The following UBE2N variants were observed in gnomAD, a reference collection of about 807,000 sequenced individuals.
The protein encoded by UBE2N is ubiquitin-conjugating enzyme E2 N.
For missense variants in UBE2N, 60 were observed against 192.1 expected (o/e 0.31, Z 4.07); for synonymous variants, 70 against 69.2 (o/e 1.01, Z -0.06).
At chr12:93,432,779 A>G (rs1878809652) in intron 1 of UBE2N, among the ~76,000 whole-genome samples, 1 of 152,164 alleles carries the variant, frequency 6.6e-6, no homozygotes, top group Admixed American at 6.5e-5. Context: ...TTAATGCAAA[A>G]TATGTCAACC....
intron 1 of UBE2N, chr12:93,429,375 G>A (rs894333089): frequency 1.7e-5 from 7 of 401,640 alleles, no homozygotes; most frequent in East Asian, 7.5e-5. Flanking sequence ...AAAAATTCTC[G>A]TTTAAAATTA....
In UBE2N at chr12:93,410,204, G is replaced by A. The variant is rs181643731; in HGVS notation, c.419-125C>T. The A allele has an allele frequency of 1.8e-3, 1,614 of 910,888 alleles. 5 individuals carry two copies. Among genetic ancestry groups the A allele is most frequent in the Non-Finnish European group, 2.3e-3 (1,418 of 607,054 alleles). 56.4% of individuals were successfully genotyped at this position (910,888 alleles called of 1,614,324 possible). ...TCATGCTGTAATCTGTTAAATTCAC[G>A]CCTTTTTCTATAAATTGGATCAGGG... is the stretch of plus-strand genomic sequence containing the variant. On this transcript the variant is annotated intron_variant, in intron 3 of 3. Transcript: ENST00000318066.
intron 1 of UBE2N, among the ~76,000 whole-genome samples, chr12:93,417,380 T>C (rs950939022): frequency 2.6e-5 from 4 of 152,204 alleles, no homozygotes; most frequent in Admixed American, 2.6e-4. Flanking sequence ...ATTTTTAAGT[T>C]GAAAAATAAT....
At chr12:93,432,497 A>G (rs1001884470) in intron 1 of UBE2N, among the ~76,000 whole-genome samples, 2 of 150,492 alleles carry the variant, frequency 1.3e-5, no homozygotes, top group African/African-American at 4.8e-5. Context: ...AAACAAAACA[A>G]AACAGCTACT....
intron 1 of UBE2N, among the ~76,000 whole-genome samples, chr12:93,437,025 G>A (rs1356967006): frequency 2.6e-5 from 4 of 152,150 alleles, no homozygotes; most frequent in Admixed American, 1.3e-4. Flanking sequence ...CACTTTGGGA[G>A]GCCGAGGTGG....
In UBE2N at chr12:93,410,786, T is replaced by C; in HGVS notation, c.366A>G (p.Ala122=). 1.2e-6 allele frequency: 2 copies of C among 1,614,244 alleles called. No individual in the cohort carries two copies. Among genetic ancestry groups the C allele is most frequent in the Non-Finnish European group, 1.7e-6 (2 of 1,180,052 alleles). ...LSAPNPDDPL[A]NDVAEQWKTN... ...TCTTCCACTGCTCCGCTACATCATT[T>C]GCTAATGGATCATCTGGATTGGGAG... The change falls in exon 3 of 4, where the codon GCA becomes GCG. Residue 122 remains alanine, a synonymous_variant. Coordinates refer to ENST00000318066, the MANE Select transcript of UBE2N (RefSeq NM_003348.4).
intron 1 of UBE2N, among the ~76,000 whole-genome samples, chr12:93,436,979 A>T (rs1878952172): frequency 6.6e-6 from 1 of 152,184 alleles, no homozygotes; most frequent in African/African-American, 2.4e-5. Flanking sequence ...AATAAAGTCT[A>T]GGCCAGGCAC....
chr12:93,410,417 A>T, intron 3 of UBE2N: 1 of 505,432 alleles, frequency 2.0e-6, no homozygotes, highest in Non-Finnish European at 3.5e-6. Flanking sequence ...GAATACTTTA[A>T]TCAAATGGGT....
chr12:93,441,839 C>T lies in UBE2N; in HGVS notation c.30+16G>A. The T allele has an allele frequency of 6.3e-7, 1 of 1,578,494 alleles. No individual in the cohort carries two copies. Among genetic ancestry groups the T allele is most frequent in the Non-Finnish European group, 8.6e-7 (1 of 1,165,114 alleles). On this transcript the variant is annotated intron_variant, in intron 1 of 3. Coordinates refer to ENST00000318066, the MANE Select transcript of UBE2N (RefSeq NM_003348.4). ...GAGAGCAGAGCGAAGAGCTGGAGGC[C>T]GGCCTGGGCGGTTACCTTGATGATC...
At chr12:93,439,081 T>G (rs78898430) in intron 1 of UBE2N, among the ~76,000 whole-genome samples, 17 of 152,344 alleles carry the variant, frequency 1.1e-4, no homozygotes, top group African/African-American at 4.1e-4. Flanking sequence ...CATTATAAGT[T>G]AGAAAGCATC....
intron 1 of UBE2N, among the ~76,000 whole-genome samples, chr12:93,422,662 C>T (rs563885891): frequency 6.2e-4 from 95 of 152,118 alleles, no homozygotes; most frequent in African/African-American, 2.3e-3. Flanking sequence ...TTAGCAAAAA[C>T]CAGTGAACTT....
rs542735767 is a variant in UBE2N at position 93,413,323 on chromosome 12, C to T, written c.31-2024G>A. ...GTTGGTTTCTTCTATCTCCCAACAT[C>T]GCAACACTGAAATGCACTGGGGCTC... is the stretch of plus-strand genomic sequence containing the variant. On this transcript the variant is annotated intron_variant, in intron 1 of 3. Transcript: ENST00000318066. 4.7e-4 allele frequency among the ~76,000 whole-genome samples: 72 copies of T among 152,272 alleles called. 1 individual carries two copies. The highest frequency in any genetic ancestry group is 1.8e-3 in the Admixed American group (28 of 15,294).
intron 1 of UBE2N, among the ~76,000 whole-genome samples, chr12:93,434,781 A>G (rs538904121): frequency 1.3e-5 from 2 of 152,310 alleles, no homozygotes; most frequent in East Asian, 3.9e-4. Flanking sequence ...CAACTGAAAG[A>G]ACTAAAGAAC....
At chr12:93,412,942 A>C (rs1204657011) in intron 1 of UBE2N, among the ~76,000 whole-genome samples, 1 of 152,242 alleles carries the variant, frequency 6.6e-6, no homozygotes, top group African/African-American at 2.4e-5. Flanking sequence ...GAATGTTTGC[A>C]CAGGTCTTCG....
rs1028030879 is a variant in UBE2N, at chr12:93,407,641, CAA to C, written c.*2396_*2397del. On this transcript the variant is annotated 3_prime_UTR_variant, in exon 4 of 4. Transcript: ENST00000318066. ...ACTGTTGCCAGATCTTCAGATCATTCAAAAGTTACCCGAATTCTGGATTTTCA... is the reference window on the plus strand; with the variant it reads ...ACTGTTGCCAGATCTTCAGATCATTCAAGTTACCCGAATTCTGGATTTTCA... 3 of 152,200 alleles carry C rather than the reference CAA, an allele frequency of 2.0e-5. No individual in the cohort carries two copies. The highest frequency in any genetic ancestry group is 7.2e-5 in the African/African-American group (3 of 41,446). The allele number at this position is 152,200 out of a possible 1,614,324, so 9.4% of individuals were successfully genotyped here. A position where few individuals can be genotyped will look rare whatever the true frequency, so the allele number is the denominator to read the frequency against.
chr12:93,413,147 C>G (rs1405222412), intron 1 of UBE2N, among the ~76,000 whole-genome samples: 2 of 152,174 alleles, frequency 1.3e-5, no homozygotes, highest in African/African-American at 4.8e-5. Flanking sequence ...AAGGTTAAAT[C>G]AAATGTCCAG....
chr12:93,412,412 C>A (rs1878055640), intron 1 of UBE2N, among the ~76,000 whole-genome samples: 1 of 152,228 alleles, frequency 6.6e-6, no homozygotes, highest in Non-Finnish European at 1.5e-5. Flanking sequence ...ATGTCACGTA[C>A]TCTTGGCTAG....
chr12:93,441,706 T>C, intron 1 of UBE2N, 149 bp downstream of exon 1: 1 of 1,091,838 alleles, frequency 9.2e-7, no homozygotes, highest in Non-Finnish European at 1.3e-6. Flanking sequence ...AGCACCCGAC[T>C]TCCCTCGCCG....
rs750612680 is a variant in UBE2N, at chr12:93,441,836, G to C, written c.30+19C>G. 3 of 1,578,906 alleles carry C rather than the reference G, an allele frequency of 1.9e-6. No individual in the cohort carries two copies. In the African/African-American group the frequency reaches 4.2e-5, roughly 22 times the overall value. ...GACGAGAGCAGAGCGAAGAGCTGGA[G>C]GCCGGCCTGGGCGGTTACCTTGATG... On this transcript the variant is annotated intron_variant, in intron 1 of 3. Transcript: ENST00000318066.
Sources: allele counts gnomAD v4.1 joint callset (sites outside exome capture counted in the v4.1 genomes callset), GRCh38; gene constraint gnomAD v4.1.1; transcripts MANE v1.5; gene names NCBI Gene and HGNC (gene_info 2026-07-23, HGNC 2026-07-21).